F8: variants seen among roughly 807,000 people sequenced by gnomAD.
The protein encoded by F8 is antihemophilic factor.
Under a neutral mutation model 140.6 loss-of-function variants are expected in F8, and 12 were observed. The ratio of observed to expected loss-of-function variants is 0.09; its 90% CI spans 0.05 to 0.14. F8 has a LOEUF of 0.14. F8 is among the 10% of genes least tolerant of loss of function. The probability of loss-of-function intolerance (pLI) is 1.00; values close to 1 mark genes in which losing one functional copy is unlikely to be tolerated. For synonymous variants in F8, 585 were observed against 614.6 expected, an observed-to-expected ratio of 0.95 and a Z score of 0.71; for missense variants, 1,354 against 1,720.7, an observed-to-expected ratio of 0.79 and a Z score of 3.77.
intron 6 of F8, among the ~76,000 whole-genome samples, chrX:154,970,537 C>T (rs187459498): frequency 1.7e-3 from 192 of 111,839 alleles, no homozygotes; most frequent in African/African-American, 5.9e-3. Context: ...CTTTTACCCA[C>T]AAAGAAACTG....
At chrX:154,957,881 C>CAAAA (rs1398376293) in intron 10 of F8, among the ~76,000 whole-genome samples, 2 of 44,345 alleles carry the variant, frequency 4.5e-5, no homozygotes, top group East Asian at 6.2e-4. Flanking sequence ...ACTCTGTCTC[C>CAAAA]AAAAAAAAAA....
At chrX:154,907,824 G>A (rs1260143379) in intron 14 of F8, among the ~76,000 whole-genome samples, 4 of 111,425 alleles carry the variant, frequency 3.6e-5, no homozygotes, top group Non-Finnish European at 7.5e-5. Context: ...AGGACACAGA[G>A]AAGCCTGTTA....
intron 6 of F8, 90 bp from the exon 7 acceptor site, chrX:154,969,642 T>C: frequency 7.3e-6 from 6 of 817,351 alleles, no homozygotes; most frequent in Non-Finnish European, 1.1e-5. Flanking sequence ...AAATTGACTT[T>C]AGACACTTTA....
chrX:154,852,132 C>T (rs1450109373), intron 25 of F8, among the ~76,000 whole-genome samples: 25 of 111,555 alleles, frequency 2.2e-4, no homozygotes, highest in African/African-American at 7.5e-4. Flanking sequence ...TGCAGTGGTG[C>T]GATCATGGCT....
At chrX:154,908,631 CAT>C (rs2073049939) in intron 14 of F8, among the ~76,000 whole-genome samples, 1 of 111,732 alleles carries the variant, frequency 8.9e-6, no homozygotes, top group South Asian at 3.7e-4. Context: ...AGTAAATTTC[CAT>C]AGTTTTTTTT....
rs782511932 is a variant in F8, at chrX:154,863,069, G to T, written c.6574+14C>A. 10 of 1,208,984 alleles carry T rather than the reference G, an allele frequency of 8.3e-6. No individual in the cohort carries two copies. The highest frequency in any genetic ancestry group is 5.2e-5 in the African/African-American group (3 of 57,711). On this transcript the variant is annotated intron_variant, in intron 23 of 25. Coordinates refer to ENST00000360256, the MANE Select transcript of F8 (RefSeq NM_000132.4). ...GGTTGAGGGAAGAAGGATATGGGAT[G>T]ACTTGGCACTTACTATTTAAATCAC...
At chrX:154,920,603 C>A (rs1173307873) in intron 14 of F8, among the ~76,000 whole-genome samples, 2 of 110,013 alleles carry the variant, frequency 1.8e-5, no homozygotes, top group Non-Finnish European at 3.8e-5. Context: ...CAGGCATGCA[C>A]CACCATGCTT....
intron 14 of F8, chrX:154,919,905 A>G (rs1273126531): frequency 1.4e-5 from 3 of 207,614 alleles, no homozygotes; most frequent in Non-Finnish European, 2.8e-5. Context: ...GCGACTCCTC[A>G]GCCTCATTAG....
chrX:154,854,127 T>C (rs890020935), intron 25 of F8, among the ~76,000 whole-genome samples: 1 of 112,266 alleles, frequency 8.9e-6, no homozygotes, highest in Non-Finnish European at 1.9e-5. Flanking sequence ...TTTCTGTCTT[T>C]ATGAATTTGC....
At chrX:154,925,406 C>T (rs782594237) in intron 14 of F8, among the ~76,000 whole-genome samples, 9 of 111,783 alleles carry the variant, frequency 8.1e-5, no homozygotes, top group Non-Finnish European at 1.5e-4. Context: ...AGAGGGCCAC[C>T]GTCCTCCAGA....
chrX:154,866,356 G>A (rs1450139339), intron 22 of F8, among the ~76,000 whole-genome samples: 1 of 111,309 alleles, frequency 9.0e-6, no homozygotes, highest in African/African-American at 3.3e-5. Flanking sequence ...AAATCAATAA[G>A]GACAAAACAG....
chrX:154,959,576 C>T (rs1279097086), intron 10 of F8, among the ~76,000 whole-genome samples: 1 of 111,794 alleles, frequency 8.9e-6, no homozygotes, highest in African/African-American at 3.3e-5. Flanking sequence ...AAATAGATGT[C>T]ATTGTTGACT....
At chrX:154,901,286 G>T in intron 20 of F8, 85 bp downstream of exon 20, 1 of 657,017 alleles carries the variant, frequency 1.5e-6, no homozygotes, top group South Asian at 2.2e-5. Context: ...CATGGAGATG[G>T]ATTCATTATC....
In F8 at chrX:154,922,412, G is replaced by A. The variant is rs142533819; in HGVS notation, c.5219+6159C>T. On this transcript the variant is annotated intron_variant, in intron 14 of 25. Transcript: ENST00000360256. ...ATACATTTATTTGAACATCTGCCACGTGCCAGGCACTGTTCAAAGTTCTGG... is the reference window on the plus strand; with the variant it reads ...ATACATTTATTTGAACATCTGCCACATGCCAGGCACTGTTCAAAGTTCTGG... Among the ~76,000 whole-genome samples, 16 of 112,166 alleles carry A rather than the reference G, an allele frequency of 1.4e-4. No homozygotes were observed. In the East Asian group the frequency reaches 2.5e-3, roughly 17 times the overall value.
intron 1 of F8, among the ~76,000 whole-genome samples, chrX:155,005,955 C>T (rs924507837): frequency 9.0e-6 from 1 of 111,501 alleles, no homozygotes; most frequent in Non-Finnish European, 1.9e-5. Flanking sequence ...AATCCTGCTT[C>T]CTTCACTCCC....
At chrX:154,993,299 C>CAAA in intron 3 of F8, 151 bp from the exon 4 acceptor site, 7 of 511,131 alleles carry the variant, frequency 1.4e-5, no homozygotes, top group South Asian at 3.3e-5. Context: ...GACGGAGTCT[C>CAAA]ACTCTGTTGC....
chrX:154,997,931 T>C (rs782466389), intron 2 of F8, among the ~76,000 whole-genome samples: 1 of 112,322 alleles, frequency 8.9e-6, no homozygotes, highest in East Asian at 2.8e-4. Flanking sequence ...AGTCAGGCCA[T>C]GACAGAAAAT....
chrX:154,870,182 C>A (rs1474582422), intron 22 of F8, among the ~76,000 whole-genome samples: 2 of 112,090 alleles, frequency 1.8e-5, no homozygotes, highest in African/African-American at 3.2e-5. Flanking sequence ...GGGAATCCTC[C>A]CTAACTCATT....
At chrX:154,877,932 A>T (rs1395342902) in intron 22 of F8, among the ~76,000 whole-genome samples, 1 of 111,608 alleles carries the variant, frequency 9.0e-6, no homozygotes, top group African/African-American at 3.3e-5. Flanking sequence ...ATGACTGACT[A>T]TACAAATCCT....
Sources: allele counts gnomAD v4.1 joint callset (sites outside exome capture counted in the v4.1 genomes callset), GRCh38; gene constraint gnomAD v4.1.1; transcripts MANE v1.5; gene names NCBI Gene and HGNC (gene_info 2026-07-23, HGNC 2026-07-21).